APOL4: variants seen among roughly 807,000 people sequenced by gnomAD.
APOL4 encodes the protein apolipoprotein L, 4.
A neutral mutation model predicts 12.1 loss-of-function variants in APOL4; 14 were observed. That is an observed-to-expected ratio of 1.16 (90% confidence interval 0.76 to 1.81). The LOEUF (loss-of-function observed/expected upper bound fraction) is 1.81, where lower values mean the gene tolerates loss of function less well. Among genes scored for constraint, APOL4 ranks in the 40% most tolerant of loss-of-function variants. The pLI is 0.00. For missense variants in APOL4, 432 were observed against 423.1 expected (o/e 1.02, Z -0.18); for synonymous variants, 171 against 160.6 (o/e 1.06, Z -0.49).
intron 2 of APOL4, among the ~76,000 whole-genome samples, chr22:36,196,746 C>G (rs2014422428): frequency 6.6e-6 from 1 of 152,282 alleles, no homozygotes; most frequent in East Asian, 1.9e-4. Context: ...AATTGAGACC[C>G]AGACAGCGAG....
intron 2 of APOL4, among the ~76,000 whole-genome samples, chr22:36,195,822 G>A (rs897423251): frequency 6.8e-6 from 1 of 146,464 alleles, no homozygotes. Flanking sequence ...ACACACCACT[G>A]TGAAGGCCAT....
rs140324556 is a variant in APOL4, at chr22:36,195,356, C to T, written c.164G>A (p.Ser55Asn). 22 of 1,613,754 alleles carry T rather than the reference C, an allele frequency of 1.4e-5. No homozygotes were observed. In the East Asian group the frequency reaches 1.6e-4, roughly 11 times the overall value. ...SPVHLKILLT[S>N]DEAWKRFVRV... ...CACAAATCTCTTCCAGGCTTCATCG[C>T]TAGTCAGCAGGATTTTCAGATGCAC... Residue 55 changes from serine to asparagine, a missense_variant, in exon 3 of 4, where the codon AGC (serine) becomes AAC (asparagine). Coordinates refer to ENST00000683024, the MANE Select transcript of APOL4 (RefSeq NM_001386885.1).
intron 1 of APOL4, 193 bp from the exon 2 acceptor site, chr22:36,199,569 C>A: frequency 6.4e-7 from 1 of 1,566,084 alleles, no homozygotes; most frequent in Non-Finnish European, 8.7e-7. Flanking sequence ...TTCCAGCTCC[C>A]TCTTCCCTCA....
At chr22:36,196,620 T>G (rs1312087190) in intron 2 of APOL4, among the ~76,000 whole-genome samples, 3 of 152,188 alleles carry the variant, frequency 2.0e-5, no homozygotes, top group East Asian at 3.8e-4. Context: ...ATTATGGAAC[T>G]CCAGAGAAGG....
intron 1 of APOL4, 130 bp from the exon 2 acceptor site, chr22:36,199,506 T>A: frequency 1.2e-6 from 2 of 1,608,716 alleles, no homozygotes; most frequent in Non-Finnish European, 8.5e-7. Flanking sequence ...TAACCCAGAT[T>A]CTTTCTCTAT....
chr22:36,203,124 C>T (rs1248993155), upstream of APOL4, among the ~76,000 whole-genome samples: 2 of 152,208 alleles, frequency 1.3e-5, no homozygotes, highest in East Asian at 1.9e-4. Flanking sequence ...CTTCTCACTC[C>T]CCTGTCTCAG....
chr22:36,190,804 C>T lies in APOL4; in HGVS notation c.*271G>A. On this transcript the variant is annotated 3_prime_UTR_variant, in exon 4 of 4. Transcript: ENST00000683024. ...CAATTATCACATGGTCCTGAGGTGA[C>T]ATACATCCTCCTCAGCTGACAGGAT... 2.3e-6 allele frequency: 1 copy of T among 430,952 alleles called. No individual in the cohort carries two copies. The highest frequency in any genetic ancestry group is 2.6e-5 in the South Asian group (1 of 39,106). 26.7% of individuals were successfully genotyped at this position (430,952 alleles called of 1,614,324 possible).
Position 36,191,396 on chromosome 22 carries a change from A to G in APOL4, c.726T>C (p.Asn242=), listed in dbSNP as rs1171511306. The part of the protein sequence containing the change: ...DFDEATKMIA[N]DVHTLRRSKA... ...TAGATCTCCTGAGTGTATGGACATC[A>G]TTCGCAATCATTTTTGTGGCTTCGT... Residue 242 remains asparagine (N), a synonymous_variant, in exon 4 of 4, where the codon AAT becomes AAC. Transcript: ENST00000683024. The G allele has an allele frequency of 6.8e-6, 11 of 1,614,072 alleles. No individual in the cohort carries two copies. Among genetic ancestry groups the G allele is most frequent in the Non-Finnish European group, 9.3e-6 (11 of 1,179,908 alleles).
Position 36,190,913 on chromosome 22 carries a change from T to C in APOL4, c.*162A>G. The C allele has an allele frequency of 4.6e-6, 3 of 649,712 alleles. No individual in the cohort carries two copies. 40.2% of individuals were successfully genotyped at this position (649,712 alleles called of 1,614,324 possible). ...ATCAGTGTCCATGAAATCTTCACAA[T>C]TTGTGTTTAGAGATTGCGGTAAAGA... On this transcript the variant is annotated 3_prime_UTR_variant, in exon 4 of 4. Transcript: ENST00000683024.
intron 1 of APOL4, among the ~76,000 whole-genome samples, chr22:36,201,031 C>A (rs1275524285): frequency 6.6e-6 from 1 of 152,078 alleles, no homozygotes; most frequent in African/African-American, 2.4e-5. Flanking sequence ...AAATTGTTTA[C>A]AGCTACAAAG....
At chr22:36,199,304 A>G (rs2014500815) in intron 2 of APOL4, 26 bp downstream of exon 2, 2 of 1,614,138 alleles carry the variant, frequency 1.2e-6, no homozygotes, top group Non-Finnish European at 8.5e-7. Context: ...CGAGCCTACC[A>G]GCAGCCAGGT....
At chr22:36,204,559 T>C (rs551453565), upstream of APOL4, 35 of 273,342 alleles carry the variant, frequency 1.3e-4, no homozygotes, top group Non-Finnish European at 2.1e-4. Context: ...AAAAGCTGAA[T>C]GATCCTTCCC....
At chr22:36,195,772 T>TCACA (rs1484877369) in intron 2 of APOL4, among the ~76,000 whole-genome samples, 24 of 140,220 alleles carry the variant, frequency 1.7e-4, no homozygotes, top group African/African-American at 4.3e-4. Context: ...TCTCTCTCTC[T>TCACA]CTCTCACACA....
intron 1 of APOL4, 152 bp from the exon 2 acceptor site, chr22:36,199,528 C>T (rs1182343994): frequency 4.4e-6 from 7 of 1,597,034 alleles, no homozygotes; most frequent in Non-Finnish European, 6.0e-6. Flanking sequence ...ACCAAGTCCC[C>T]ATCATCTGCT....
chr22:36,192,150 C>A (rs2014275087), intron 3 of APOL4, among the ~76,000 whole-genome samples: 1 of 152,152 alleles, frequency 6.6e-6, no homozygotes. Flanking sequence ...ACCATCCTAG[C>A]TAACACGGTG....
intron 3 of APOL4, among the ~76,000 whole-genome samples, chr22:36,193,596 G>A (rs1436130336): frequency 2.0e-5 from 3 of 152,170 alleles, no homozygotes; most frequent in Admixed American, 2.0e-4. Flanking sequence ...TATCCAACCT[G>A]AGGGGGGCTT....
chr22:36,196,529 A>G (rs910130047), intron 2 of APOL4, among the ~76,000 whole-genome samples: 1 of 152,234 alleles, frequency 6.6e-6, no homozygotes, highest in African/African-American at 2.4e-5. Flanking sequence ...TAATATTATC[A>G]CTACAAAGCA....
chr22:36,196,808 G>C (rs2014423686), intron 2 of APOL4, among the ~76,000 whole-genome samples: 1 of 152,220 alleles, frequency 6.6e-6, no homozygotes, highest in Non-Finnish European at 1.5e-5. Context: ...CTCAAGGCCA[G>C]CGTTCCCTTG....
At chr22:36,195,774 T>A (rs202092856) in intron 2 of APOL4, among the ~76,000 whole-genome samples, 4,060 of 65,238 alleles carry the variant, frequency 0.062, 173 homozygotes, top group African/African-American at 0.14. Flanking sequence ...TCTCTCTCTC[T>A]CTCACACACA....
Sources: gnomAD v4.1 joint callset for allele counts (sites outside exome capture counted in the v4.1 genomes callset) on GRCh38, gnomAD v4.1.1 for gene constraint, MANE v1.5 for transcripts, NCBI Gene and HGNC (gene_info 2026-07-23, HGNC 2026-07-21) for gene names.